NAALADL2: variants seen among roughly 807,000 people sequenced by gnomAD.
The protein encoded by NAALADL2 is N-acetylated alpha-linked acidic dipeptidase like 2, also known as inactive N-acetylated-alpha-linked acidic dipeptidase-like protein 2.
In NAALADL2, 76 loss-of-function variants were observed where a neutral mutation model predicts 87.2. That is an observed-to-expected ratio of 0.87 (90% CI 0.72 to 1.05). The LOEUF is 1.05. Among genes scored for constraint, NAALADL2 ranks in the 50% least tolerant of loss-of-function variants. The pLI, the probability that NAALADL2 is intolerant of heterozygous loss-of-function variation, is 0.00. For synonymous variants in NAALADL2, 354 were observed against 331.0 expected (o/e 1.07, Z -0.75); for missense variants, 1,089 against 945.8 (o/e 1.15, Z -1.99).
At chr3:175,778,560 C>T (rs1750578100) in intron 13 of NAALADL2, among the ~76,000 whole-genome samples, 1 of 152,098 alleles carries the variant, frequency 6.6e-6, no homozygotes, top group African/African-American at 2.4e-5. Context: ...ATTATGTCCC[C>T]AAGGAAGCAA....
intron 1 of NAALADL2, among the ~76,000 whole-genome samples, chr3:174,489,163 T>A (rs1309846532): frequency 5.3e-5 from 8 of 152,108 alleles, no homozygotes; most frequent in African/African-American, 1.7e-4. Flanking sequence ...TATTTTTTTC[T>A]TAAATTCTAT....
intron 1 of NAALADL2, among the ~76,000 whole-genome samples, chr3:174,520,343 T>C (rs1478431453): frequency 6.6e-6 from 1 of 152,082 alleles, no homozygotes; most frequent in Non-Finnish European, 1.5e-5. Flanking sequence ...TAAAAGAGAA[T>C]AGTACTGGTA....
intron 3 of NAALADL2, among the ~76,000 whole-genome samples, chr3:174,839,623 ATAAC>A (rs1291230558): frequency 6.6e-6 from 1 of 152,170 alleles, no homozygotes; most frequent in Non-Finnish European, 1.5e-5. Flanking sequence ...TCCAGAATCT[ATAAC>A]TAACTCAAAA....
intron 1 of NAALADL2, among the ~76,000 whole-genome samples, chr3:175,010,951 T>A (rs1311044053): frequency 6.6e-6 from 1 of 152,158 alleles, no homozygotes; most frequent in East Asian, 1.9e-4. Flanking sequence ...CATTGCACAA[T>A]GTTTGGTATA....
At chr3:175,448,042 T>A (rs1720975627) in intron 6 of NAALADL2, among the ~76,000 whole-genome samples, 1 of 152,246 alleles carries the variant, frequency 6.6e-6, no homozygotes, top group South Asian at 2.1e-4. Flanking sequence ...GGGCTCTTTT[T>A]TGTGTCCAGA....
chr3:175,644,877 G>T (rs1185793521), intron 11 of NAALADL2, among the ~76,000 whole-genome samples: 1 of 152,008 alleles, frequency 6.6e-6, no homozygotes, highest in Non-Finnish European at 1.5e-5. Flanking sequence ...CAAATGAAGT[G>T]ATTGCAATAG....
intron 9 of NAALADL2, among the ~76,000 whole-genome samples, chr3:175,558,188 C>A (rs1439614281): frequency 1.8e-5 from 2 of 111,614 alleles, no homozygotes; most frequent in Admixed American, 9.4e-5. Context: ...CAGCAAGACC[C>A]CGTCTCAAAA....
intron 1 of NAALADL2, among the ~76,000 whole-genome samples, chr3:175,069,801 G>A (rs1322833573): frequency 6.6e-6 from 1 of 150,524 alleles, no homozygotes; most frequent in Non-Finnish European, 1.5e-5. Flanking sequence ...AGAAAATGTG[G>A]CACATATACA....
rs1414211972 is a variant in NAALADL2 at position 175,803,288 on chromosome 3, T to C, written c.*85T>C. 2.2e-6 allele frequency: 2 copies of C among 908,972 alleles called. No individual in the cohort carries two copies. The highest frequency in any genetic ancestry group is 3.2e-6 in the Non-Finnish European group (2 of 615,920). The allele number at this position is 908,972 out of a possible 1,614,324, so 56.3% of individuals were successfully genotyped here. ...AACCAGATTTTCTGACATTGAAGGC[T>C]TATTTTCCCCAATGGCTTTTTGACA... On this transcript the variant is annotated 3_prime_UTR_variant, in exon 14 of 14. Transcript: ENST00000454872.
At chr3:175,568,114 ATT>A (rs112937547) in intron 9 of NAALADL2, among the ~76,000 whole-genome samples, 16 of 146,852 alleles carry the variant, frequency 1.1e-4, no homozygotes, top group Non-Finnish European at 2.3e-4. Flanking sequence ...TTAATTTTTA[ATT>A]TTTTTTTTTT....
At chr3:174,714,759 T>C (rs1032791428) in intron 2 of NAALADL2, among the ~76,000 whole-genome samples, 10 of 152,198 alleles carry the variant, frequency 6.6e-5, no homozygotes, top group African/African-American at 2.2e-4. Context: ...ACAATTTGAC[T>C]TCCTCTTTTC....
intron 11 of NAALADL2, among the ~76,000 whole-genome samples, chr3:175,710,574 A>G (rs931119917): frequency 2.1e-5 from 3 of 144,576 alleles, no homozygotes; most frequent in African/African-American, 8.2e-5. Flanking sequence ...ATATGTGTAA[A>G]TACGTATTCA....
At chr3:175,177,474 T>C (rs1735851653) in intron 2 of NAALADL2, among the ~76,000 whole-genome samples, 1 of 152,120 alleles carries the variant, frequency 6.6e-6, no homozygotes, top group African/African-American at 2.4e-5. Flanking sequence ...ATCACTCATC[T>C]TACCACTAGT....
chr3:175,326,323 T>C (rs1456859807), intron 5 of NAALADL2, among the ~76,000 whole-genome samples: 1 of 152,208 alleles, frequency 6.6e-6, no homozygotes, highest in East Asian at 1.9e-4. Context: ...ATCATGACCA[T>C]TTAAGTAATC....
At chr3:174,849,388 A>G (rs1041653078) in intron 3 of NAALADL2, among the ~76,000 whole-genome samples, 6 of 152,038 alleles carry the variant, frequency 3.9e-5, no homozygotes, top group Non-Finnish European at 8.8e-5. Context: ...TTCTTATTCT[A>G]TATGCTTTTG....
Position 175,701,408 on chromosome 3 carries a change from A to G in NAALADL2, c.1897-35898A>G, listed in dbSNP as rs116108472. ...TTGTAAATTAGATTTCTACTTTTATATGGGATCTGGCCATCGTCAATTTGT... is the reference window on the plus strand; with the variant it reads ...TTGTAAATTAGATTTCTACTTTTATGTGGGATCTGGCCATCGTCAATTTGT... On this transcript the variant is annotated intron_variant, in intron 11 of 13. Transcript: ENST00000454872. 8.8e-3 allele frequency among the ~76,000 whole-genome samples: 1,341 copies of G among 152,242 alleles called. 14 individuals are homozygous for G. The highest frequency in any genetic ancestry group is 0.031 in the African/African-American group (1,273 of 41,528).
intron 1 of NAALADL2, among the ~76,000 whole-genome samples, chr3:174,864,679 C>T (rs1263303673): frequency 6.6e-6 from 1 of 151,904 alleles, no homozygotes; most frequent in African/African-American, 2.4e-5. Flanking sequence ...ACAAAAGATG[C>T]AGTAATAATC....
intron 11 of NAALADL2, among the ~76,000 whole-genome samples, chr3:175,635,197 A>C (rs1045404205): frequency 6.6e-5 from 10 of 152,086 alleles, no homozygotes; most frequent in African/African-American, 2.4e-4. Flanking sequence ...ATTTGTAAAG[A>C]CACGCCTTAT....
intron 1 of NAALADL2, among the ~76,000 whole-genome samples, chr3:175,079,983 TGAGATGGAG>T (rs1717430195): frequency 1.3e-5 from 2 of 151,966 alleles, no homozygotes; most frequent in African/African-American, 2.4e-5. Flanking sequence ...TTTTTTTTTT[TGAGATGGAG>T]TCTCTCTTTG....
Sources: allele counts gnomAD v4.1 joint callset (sites outside exome capture counted in the v4.1 genomes callset), GRCh38; gene constraint gnomAD v4.1.1; transcripts MANE v1.5; gene names NCBI Gene and HGNC (gene_info 2026-07-23, HGNC 2026-07-21).